Variants in DPH7 observed in about 807,000 individuals in gnomAD.
The protein encoded by DPH7 is diphthamide biosynthesis 7, also known as diphthine methyltransferase.
A neutral mutation model predicts 41.7 loss-of-function variants in DPH7; 44 were observed. The observed-to-expected ratio is 1.05, with a 90% confidence interval of 0.83 to 1.36. The LOEUF (loss-of-function observed/expected upper bound fraction) is 1.36, where lower values mean the gene tolerates loss of function less well. DPH7 is among the 40% of genes most tolerant of loss of function. The pLI is 0.00. For missense variants in DPH7, 629 were observed against 577.5 expected (o/e 1.09, Z -0.91); for synonymous variants, 275 against 238.0 (o/e 1.16, Z -1.43).
intron 5 of DPH7, among the ~76,000 whole-genome samples, chr9:137,569,253 T>C: frequency 7.0e-6 from 1 of 143,364 alleles, no homozygotes; most frequent in Non-Finnish European, 1.5e-5. Context: ...CATCTCACCA[T>C]CTATCCACCC....
Position 137,561,938 on chromosome 9 carries a change from C to A in DPH7, c.949+2496G>T, listed in dbSNP as rs1240833263. On this transcript the variant is annotated intron_variant, in intron 8 of 8. Transcript: ENST00000277540. ...GGAGTGCAGTGGCGCGATCTCGGCT[C>A]ACTGCAAGCTCCGCCTCCTGGGTTC... is the stretch of plus-strand genomic sequence containing the variant. 2.0e-5 allele frequency among the ~76,000 whole-genome samples: 3 copies of A among 152,270 alleles called. No homozygotes were observed. In the East Asian group the frequency reaches 5.8e-4, roughly 29 times the overall value.
At chr9:137,573,811 T>C (rs918811357) in intron 5 of DPH7, among the ~76,000 whole-genome samples, 2 of 151,576 alleles carry the variant, frequency 1.3e-5, no homozygotes, top group Non-Finnish European at 2.9e-5. Context: ...CTCACACCTG[T>C]AATCCCAACA....
chr9:137,576,045 C>T lies in DPH7; in HGVS notation c.375+35G>A, dbSNP rs821315. 8,255 of 1,613,492 alleles carry T rather than the reference C, an allele frequency of 5.1e-3. 359 individuals carry two copies. In the African/African-American group the frequency reaches 0.095, roughly 18 times the overall value. The stretch of plus-strand genomic sequence containing the variant: ...CTCCCCAACCCTCTCTATTCAGGTC[C>T]CTTCTGCCCCACAGAACAAGTGCAA... On this transcript the variant is annotated intron_variant, in intron 3 of 8. Transcript: ENST00000277540.
At chr9:137,575,004 C>G in intron 3 of DPH7, 161 bp from the exon 4 acceptor site, 2 of 1,424,654 alleles carry the variant, frequency 1.4e-6, no homozygotes, top group South Asian at 3.0e-5. Flanking sequence ...ACTGAAACCC[C>G]TGCTAGGGGC....
chr9:137,570,628 T>C (rs1457300715), intron 5 of DPH7, among the ~76,000 whole-genome samples: 1 of 152,216 alleles, frequency 6.6e-6, no homozygotes, highest in Non-Finnish European at 1.5e-5. Context: ...CATTTCATTC[T>C]GAGTAGGAAA....
At chr9:137,570,581 T>C (rs531451120) in intron 5 of DPH7, among the ~76,000 whole-genome samples, 3 of 152,186 alleles carry the variant, frequency 2.0e-5, no homozygotes, top group Non-Finnish European at 4.4e-5. Flanking sequence ...CAAGTCAGAA[T>C]CTGTCATTCC....
At chr9:137,576,198 A>C (rs747738046) in intron 2 of DPH7, 31 bp from the exon 3 acceptor site, 3 of 1,588,848 alleles carry the variant, frequency 1.9e-6, no homozygotes, top group Non-Finnish European at 2.6e-6. Flanking sequence ...AAGCACACCA[A>C]TGTGCCCGGA....
chr9:137,555,260 G>C lies in DPH7; in HGVS notation c.1338C>G (p.Leu446=). ...AAGCTCAGTTCCCCTCCCACTCCCA[G>C]AGGTGGAGCGCATGGTCATAGAAGG... ...TCSFYDHALH[L]WEWEGN Residue 446 remains leucine (L), a synonymous_variant, in exon 9 of 9, where the codon CTC becomes CTG. Coordinates refer to ENST00000277540, the MANE Select transcript of DPH7 (RefSeq NM_138778.5). 1 of 1,605,616 alleles carries C rather than the reference G, an allele frequency of 6.2e-7. No individual in the cohort carries two copies. Among genetic ancestry groups the C allele is most frequent in the Non-Finnish European group, 8.5e-7 (1 of 1,174,618 alleles).
rs1367322535 is a variant in DPH7 at position 137,554,826 on chromosome 9, T to C, written c.*413A>G. ...TGGGATTTTGGATTTTTGGACTGGC[T>C]GTGCTCAATCTATACAAGCATTTCT... On this transcript the variant is annotated 3_prime_UTR_variant, in exon 9 of 9. Transcript: ENST00000277540. 1.3e-5 allele frequency: 2 copies of C among 158,276 alleles called. No homozygotes were observed. Among genetic ancestry groups the C allele is most frequent in the African/African-American group, 4.8e-5 (2 of 41,622 alleles). The allele number at this position is 158,276 out of a possible 1,614,324, so 9.8% of individuals were successfully genotyped here.
chr9:137,555,687 CACCCAGAG>C (rs1837386608), intron 8 of DPH7, 39 bp from the exon 9 acceptor site: 1 of 1,538,666 alleles, frequency 6.5e-7, no homozygotes. Context: ...AACACAACAT[CACCCAGAG>C]CCTCTCCCCA....
intron 5 of DPH7, among the ~76,000 whole-genome samples, chr9:137,569,449 G>A (rs916776030): frequency 8.1e-5 from 8 of 98,610 alleles, no homozygotes; most frequent in Non-Finnish European, 1.4e-4. Context: ...CAGCCAGCCA[G>A]TCACTCACCC....
intron 2 of DPH7, among the ~76,000 whole-genome samples, chr9:137,576,841 G>C (rs987305598): frequency 1.5e-4 from 22 of 151,438 alleles, no homozygotes; most frequent in African/African-American, 5.3e-4. Context: ...AGTGAGCCGA[G>C]ACCGCGCCAC....
chr9:137,563,711 G>A (rs899417405), intron 8 of DPH7, among the ~76,000 whole-genome samples: 16 of 152,086 alleles, frequency 1.1e-4, no homozygotes, highest in Admixed American at 5.2e-4. Flanking sequence ...GGGAAGATGA[G>A]GTGGTTTTGT....
intron 5 of DPH7, among the ~76,000 whole-genome samples, chr9:137,572,285 A>C (rs1447836131): frequency 2.0e-5 from 3 of 152,222 alleles, no homozygotes; most frequent in African/African-American, 7.2e-5. Flanking sequence ...TATTTCAGGA[A>C]AAGGTGACTG....
At position 137,565,074 on chromosome 9, in the gene DPH7, T is replaced by C. The variant is rs1177474656; in HGVS notation, c.710+11A>G. On this transcript the variant is annotated intron_variant, in intron 6 of 8. Coordinates refer to ENST00000277540, the MANE Select transcript of DPH7 (RefSeq NM_138778.5). Reference sequence around the variant, plus strand: ...GGTGTGGGCACCGAGTGCTGGCCCTTGGGCAGTTACCTTTTGCTGGTGAAG... The same window carrying C: ...GGTGTGGGCACCGAGTGCTGGCCCTCGGGCAGTTACCTTTTGCTGGTGAAG... 6.2e-7 allele frequency: 1 copy of C among 1,614,020 alleles called. No homozygotes were observed. The highest frequency in any genetic ancestry group is 1.1e-5 in the South Asian group (1 of 91,078).
intron 3 of DPH7, chr9:137,575,248 G>A: frequency 1.0e-6 from 1 of 998,440 alleles, no homozygotes; most frequent in Non-Finnish European, 1.2e-6. Context: ...CAGAGACAAT[G>A]GGGAAACTCC....
Position 137,577,573 on chromosome 9 carries a change from G to A in DPH7, c.184C>T (p.Arg62Cys), listed in dbSNP as rs1242270688. 3 of 1,613,804 alleles carry A rather than the reference G, an allele frequency of 1.9e-6. No homozygotes were observed. The highest frequency in any genetic ancestry group is 1.3e-5 in the African/African-American group (1 of 74,890). The change falls in exon 2 of 9, where the codon CGT becomes TGT. Residue 62 changes from arginine (R) to cysteine (C), a missense_variant. Arg to Cys is a radical substitution (Grantham distance 180). Coordinates refer to ENST00000277540, the MANE Select transcript of DPH7 (RefSeq NM_138778.5). ...CTGTACAGGAAGAGACGGCCTAAAC[G>A]GACCTGAGGCTCCTTAACTTCCATT... ...GGMEVKEPQV[R>C]LGRLFLYSFN...
intron 5 of DPH7, among the ~76,000 whole-genome samples, chr9:137,571,233 C>G (rs1251783487): frequency 1.3e-5 from 2 of 152,004 alleles, no homozygotes; most frequent in East Asian, 1.9e-4. Context: ...TCTCGCCAGG[C>G]TGGAGTGCAG....
intron 8 of DPH7, among the ~76,000 whole-genome samples, chr9:137,561,499 C>G (rs1214255832): frequency 6.9e-6 from 1 of 145,384 alleles, no homozygotes; most frequent in Admixed American, 7.2e-5. Flanking sequence ...GCCAAGATAG[C>G]GCCACTGCAT....
Sources: gnomAD v4.1 joint callset for allele counts (sites outside exome capture counted in the v4.1 genomes callset) on GRCh38, gnomAD v4.1.1 for gene constraint, MANE v1.5 for transcripts, NCBI Gene and HGNC (gene_info 2026-07-23, HGNC 2026-07-21) for gene names.